The following FBRSL1 variants were observed in gnomAD, a reference collection of about 807,000 sequenced individuals.
The protein encoded by FBRSL1 is fibrosin like 1, also known as fibrosin-1-like protein.
Under a neutral mutation model 89.6 loss-of-function variants are expected in FBRSL1, and 51 were observed. The ratio of observed to expected loss-of-function variants is 0.57; its 90% CI spans 0.45 to 0.72. The LOEUF (loss-of-function observed/expected upper bound fraction) is 0.72, where lower values mean the gene tolerates loss of function less well. Among genes scored for constraint, FBRSL1 ranks in the 30% least tolerant of loss-of-function variants. The pLI is 0.00. For missense variants in FBRSL1, 1,618 were observed against 1,451.8 expected (o/e 1.11, Z -1.86); for synonymous variants, 779 against 681.1 (o/e 1.14, Z -2.24).
At chr12:132,545,431 C>T (rs1214267004) in intron 4 of FBRSL1, among the ~76,000 whole-genome samples, 1 of 152,236 alleles carries the variant, frequency 6.6e-6, no homozygotes, top group East Asian at 1.9e-4. Flanking sequence ...TTCATTCACG[C>T]CCCTGCCTGC....
chr12:132,572,212 GC>G lies in FBRSL1; in HGVS notation c.1378-74del, dbSNP rs1190895060. On this transcript the variant is annotated intron_variant, in intron 9 of 18. Transcript: ENST00000680143. ...CGCCGTCCTGTCACTGCCCAGCCCG[GC>G]CAGGTGGGCGGGGCCCGGGGCCCAG... The G allele has an allele frequency of 5.7e-6, 8 of 1,392,780 alleles. No individual in the cohort carries two copies. The African/African-American group carries it at 1.1e-4, about 20-fold the overall frequency. 86.3% of individuals were successfully genotyped at this position (1,392,780 alleles called of 1,614,324 possible).
chr12:132,570,902 G>T (rs1194653141), intron 8 of FBRSL1, among the ~76,000 whole-genome samples, 166 bp from the exon 9 acceptor site: 1 of 152,194 alleles, frequency 6.6e-6, no homozygotes, highest in South Asian at 2.1e-4. Context: ...AACCCCGACC[G>T]CGAAGGCTTC....
Position 132,583,716 on chromosome 12 carries a change from G to T in FBRSL1, c.2947G>T (p.Gly983Trp). The T allele has an allele frequency of 4.1e-6, 5 of 1,206,138 alleles. No individual in the cohort carries two copies. Among genetic ancestry groups the T allele is most frequent in the Non-Finnish European group, 4.1e-6 (4 of 971,476 alleles). The allele number at this position is 1,206,138 out of a possible 1,614,324, so 74.7% of individuals were successfully genotyped here. ...CCGGACTACTCCGCTGGGGGGCCTC[G>T]GGCCGGGCGAGGCGCGCGACTACTC... ...RSRTTPLGGL[G>W]PGEARDYSPS... The change falls in exon 19 of 19, where the codon GGG (glycine) becomes TGG (tryptophan). Residue 983 changes from glycine to tryptophan, a missense_variant. Coordinates refer to ENST00000680143, the MANE Select transcript of FBRSL1 (RefSeq NM_001367871.1).
At chr12:132,502,223 G>A (rs567338727) in intron 1 of FBRSL1, among the ~76,000 whole-genome samples, 3 of 152,202 alleles carry the variant, frequency 2.0e-5, no homozygotes, top group African/African-American at 4.8e-5. Flanking sequence ...GGTGTGGTCC[G>A]TCCTTCTGGG....
At chr12:132,530,921 C>T (rs1005878077) in intron 4 of FBRSL1, among the ~76,000 whole-genome samples, 6 of 148,752 alleles carry the variant, frequency 4.0e-5, no homozygotes, top group Admixed American at 1.4e-4. Flanking sequence ...TGCAGGTGTG[C>T]ACCCGGGGCC....
In FBRSL1 at chr12:132,511,042, G is replaced by A. The variant is rs942526846; in HGVS notation, c.489+2692G>A. On this transcript the variant is annotated intron_variant, in intron 2 of 18. Coordinates refer to ENST00000680143, the MANE Select transcript of FBRSL1 (RefSeq NM_001367871.1). ...TGCAGTTCCTGCAGAGTGGCCCAGT[G>A]GCGAATGGTGAAGGTGTGGGTTTCA... 4.3e-5 allele frequency: 42 copies of A among 986,036 alleles called. No individual in the cohort carries two copies. The African/African-American group carries it at 7.2e-4, about 17-fold the overall frequency. 61.1% of individuals were successfully genotyped at this position (986,036 alleles called of 1,614,324 possible).
At chr12:132,492,829 CG>C (rs2031297199) in intron 1 of FBRSL1, among the ~76,000 whole-genome samples, 1 of 152,252 alleles carries the variant, frequency 6.6e-6, no homozygotes, top group South Asian at 2.1e-4. Context: ...TGGGAAAGTA[CG>C]GGGCTTCTGC....
intron 4 of FBRSL1, among the ~76,000 whole-genome samples, chr12:132,528,840 C>G (rs532153267): frequency 7.4e-4 from 112 of 152,202 alleles, no homozygotes; most frequent in Non-Finnish European, 1.3e-3. Context: ...TCAGGGTGTG[C>G]CATGCCTCCC....
At chr12:132,528,811 G>A (rs1384833812) in intron 4 of FBRSL1, among the ~76,000 whole-genome samples, 2 of 152,042 alleles carry the variant, frequency 1.3e-5, no homozygotes, top group African/African-American at 2.4e-5. Flanking sequence ...GTGCCTCCCC[G>A]TGGGTACACG....
At position 132,571,092 on chromosome 12, in the gene FBRSL1, G is replaced by T; in HGVS notation, c.1238G>T (p.Ser413Ile). Residue 413 changes from serine (S) to isoleucine (I), a missense_variant, in exon 9 of 19, where the codon AGC (serine) becomes ATC (isoleucine). Transcript: ENST00000680143. Reference sequence around the variant, plus strand: ...GATGCCAGCCTGGCGGTCTCATTCAGCCAGCCAATCATGTATTGCCAGCCT... The same window carrying T: ...GATGCCAGCCTGGCGGTCTCATTCATCCAGCCAATCATGTATTGCCAGCCT... ...PADASLAVSF[S>I]QPIMYCQPHS... The T allele has an allele frequency of 7.4e-7, 1 of 1,356,514 alleles. No individual in the cohort carries two copies. The highest frequency in any genetic ancestry group is 1.5e-5 in the African/African-American group (1 of 67,576). The allele number at this position is 1,356,514 out of a possible 1,614,324, so 84.0% of individuals were successfully genotyped here. A position where few individuals can be genotyped will look rare whatever the true frequency, so the allele number is the denominator to read the frequency against.
intron 1 of FBRSL1, among the ~76,000 whole-genome samples, chr12:132,496,737 G>A (rs2032096322): frequency 6.6e-6 from 1 of 152,272 alleles, no homozygotes; most frequent in African/African-American, 2.4e-5. Context: ...ACATTCTGAT[G>A]GGCGCTCTGT....
In FBRSL1 at chr12:132,570,109, C is replaced by T; in HGVS notation, c.875C>T (p.Pro292Leu). ...RANPLVKKEPPAPHRHTPQPP... is the reference protein window; with the variant it reads ...RANPLVKKEPLAPHRHTPQPP... ...AATCCCTTGGTGAAGAAGGAACCCCCCGCCCCGCACCGCCACACCCCGCAG... is the reference window on the plus strand; with the variant it reads ...AATCCCTTGGTGAAGAAGGAACCCCTCGCCCCGCACCGCCACACCCCGCAG... Residue 292 changes from proline (P) to leucine (L), a missense_variant, in exon 7 of 19, where the codon CCC becomes CTC. By Grantham distance (98) the Pro-to-Leu change is moderately conservative. Coordinates refer to ENST00000680143, the MANE Select transcript of FBRSL1 (RefSeq NM_001367871.1). 3 of 1,479,244 alleles carry T rather than the reference C, an allele frequency of 2.0e-6. No homozygotes were observed. Among genetic ancestry groups the T allele is most frequent in the Non-Finnish European group, 2.7e-6 (3 of 1,122,578 alleles). The allele number at this position is 1,479,244 out of a possible 1,614,324, so 91.6% of individuals were successfully genotyped here. A position where few individuals can be genotyped will look rare whatever the true frequency, so the allele number is the denominator to read the frequency against.
chr12:132,566,072 G>C (rs943711694), intron 5 of FBRSL1: 1 of 152,152 alleles, frequency 6.6e-6, no homozygotes, highest in African/African-American at 2.4e-5. Context: ...TCAAGTCTTA[G>C]TCCGTGCGGG....
intron 4 of FBRSL1, among the ~76,000 whole-genome samples, chr12:132,542,485 G>T (rs1312474860): frequency 1.3e-5 from 2 of 152,206 alleles, no homozygotes; most frequent in African/African-American, 4.8e-5. Flanking sequence ...AGGGCCCCCT[G>T]CCCCAGGTAG....
intron 4 of FBRSL1, among the ~76,000 whole-genome samples, chr12:132,545,807 C>T (rs2037641158): frequency 6.6e-6 from 1 of 152,252 alleles, no homozygotes; most frequent in South Asian, 2.1e-4. Flanking sequence ...GGCCAGAACC[C>T]TGACAGTCTG....
chr12:132,578,983 G>A (rs891892537), intron 15 of FBRSL1, among the ~76,000 whole-genome samples: 8 of 152,150 alleles, frequency 5.3e-5, no homozygotes, highest in Non-Finnish European at 8.8e-5. Context: ...CCCCGGACAC[G>A]TGCTCAGTGT....
In FBRSL1 at chr12:132,582,342, TC is replaced by T. The variant is rs1220673111; in HGVS notation, c.2201+81del. On this transcript the variant is annotated intron_variant, in intron 18 of 18. Coordinates refer to ENST00000680143, the MANE Select transcript of FBRSL1 (RefSeq NM_001367871.1). ...TTTCCCCCCTCCCGTCATCCCCGGT[TC>T]CCCCTCCCCCGTTCCCTCTTCTCCC... is the stretch of plus-strand genomic sequence containing the variant. 1.0e-4 allele frequency: 128 copies of T among 1,247,720 alleles called. 2 individuals are homozygous for T. In the South Asian group the frequency reaches 1.8e-3, roughly 17 times the overall value. 77.3% of individuals were successfully genotyped at this position (1,247,720 alleles called of 1,614,324 possible).
rs533105628 is a variant in FBRSL1, at chr12:132,580,180, C to T, written c.1835-1259C>T. On this transcript the variant is annotated intron_variant, in intron 15 of 18. Coordinates refer to ENST00000680143, the MANE Select transcript of FBRSL1 (RefSeq NM_001367871.1). ...TTGGCTCACTGCGACCTCCACCTCCCGGGTTCAAGCGATTCTCCTGCCTCA... is the reference window on the plus strand; with the variant it reads ...TTGGCTCACTGCGACCTCCACCTCCTGGGTTCAAGCGATTCTCCTGCCTCA... 4.6e-5 allele frequency among the ~76,000 whole-genome samples: 7 copies of T among 152,276 alleles called. No homozygotes were observed. The East Asian group carries it at 9.7e-4, about 21-fold the overall frequency.
chr12:132,522,972 G>A (rs939720512), intron 2 of FBRSL1, among the ~76,000 whole-genome samples: 1 of 152,226 alleles, frequency 6.6e-6, no homozygotes, highest in Non-Finnish European at 1.5e-5. Context: ...TGCCCAGAAC[G>A]GTACCTGGCT....
Sources: gnomAD v4.1 joint callset for allele counts (sites outside exome capture counted in the v4.1 genomes callset) on GRCh38, gnomAD v4.1.1 for gene constraint, MANE v1.5 for transcripts, NCBI Gene and HGNC (gene_info 2026-07-23, HGNC 2026-07-21) for gene names.